AFDN: variants seen among roughly 807,000 people sequenced by gnomAD.
AFDN encodes afadin, adherens junction formation factor.
In AFDN, 68 loss-of-function variants were observed where a neutral mutation model predicts 216.6. The ratio of observed to expected loss-of-function variants is 0.31; its 90% CI spans 0.26 to 0.38. AFDN has a LOEUF of 0.38. Ranked by LOEUF, AFDN falls within the 10% of genes least tolerant of loss-of-function variation. The probability of loss-of-function intolerance (pLI) is 1.00; values close to 1 mark genes in which losing one functional copy is unlikely to be tolerated. For synonymous variants in AFDN, 868 were observed against 853.7 expected, an observed-to-expected ratio of 1.02 and a Z score of -0.29; for missense variants, 2,136 against 2,342.0, an observed-to-expected ratio of 0.91 and a Z score of 1.82.
At chr6:167,937,325 T>A (rs1353374550) in intron 23 of AFDN, among the ~76,000 whole-genome samples, 1 of 152,256 alleles carries the variant, frequency 6.6e-6, no homozygotes, top group African/African-American at 2.4e-5. Context: ...TGACTTTTGA[T>A]CAAATTCCAT....
chr6:167,834,951 C>T (rs942742305), intron 1 of AFDN, among the ~76,000 whole-genome samples: 1 of 152,172 alleles, frequency 6.6e-6, no homozygotes, highest in Non-Finnish European at 1.5e-5. Flanking sequence ...CACTGCACTG[C>T]ACTGCAGCCT....
At chr6:167,887,525 G>A (rs1036615861) in intron 6 of AFDN, among the ~76,000 whole-genome samples, 2 of 150,400 alleles carry the variant, frequency 1.3e-5, no homozygotes, top group South Asian at 2.1e-4. Flanking sequence ...GCACGATCTC[G>A]GCTCACTGCA....
intron 4 of AFDN, among the ~76,000 whole-genome samples, chr6:167,873,714 C>T (rs894064051): frequency 1.3e-5 from 2 of 152,206 alleles, no homozygotes; most frequent in African/African-American, 2.4e-5. Flanking sequence ...ATTATCTCTA[C>T]AGTATATAAT....
chr6:167,873,467 A>G (rs1248145038), intron 4 of AFDN, among the ~76,000 whole-genome samples: 3 of 152,232 alleles, frequency 2.0e-5, no homozygotes, highest in Non-Finnish European at 4.4e-5. Context: ...TAGATTGTTC[A>G]TAGTGGTTCT....
chr6:167,913,763 A>G (rs909238980), intron 16 of AFDN: 2 of 414,290 alleles, frequency 4.8e-6, no homozygotes, highest in Admixed American at 8.3e-5. Context: ...CTTGATACTG[A>G]GTTGCATGGT....
At chr6:167,864,966 T>G in intron 2 of AFDN, 1 of 704,974 alleles carries the variant, frequency 1.4e-6, no homozygotes. Flanking sequence ...TTAGAATGAA[T>G]ATATTAATTT....
chr6:167,860,367 G>T (rs948137655), intron 1 of AFDN, among the ~76,000 whole-genome samples: 2 of 151,992 alleles, frequency 1.3e-5, no homozygotes, highest in Non-Finnish European at 2.9e-5. Flanking sequence ...TGGGCATCTT[G>T]ACTCATATTT....
In AFDN at chr6:167,951,331, A is replaced by G. The variant is rs748114063; in HGVS notation, c.3977A>G (p.Gln1326Arg). ...SSSLDSSTSS[Q>R]EHLNHSSKSV... is the part of the protein sequence containing the mutation. ...TCACTGGACTCCAGTACCTCTAGCC[A>G]GGAGCATCTGAACCATTCCTCTAAG... The change falls in exon 30 of 34, where the codon CAG becomes CGG. Residue 1326 changes from glutamine to arginine, a missense_variant. Around this residue, in one of 8 missense-constraint regions of AFDN, gnomAD observed 981 missense variants for 966.0 expected, o/e 1.02. Transcript: ENST00000683244. This position sits in a 1 kb window ranked among gnomAD's most constrained non-coding sequence, Gnocchi z 7.1. The G allele has an allele frequency of 5.6e-6, 9 of 1,614,074 alleles. No individual in the cohort carries two copies. The highest frequency in any genetic ancestry group is 7.6e-6 in the Non-Finnish European group (9 of 1,180,034).
chr6:167,915,965 G>T (rs935365719), intron 19 of AFDN, among the ~76,000 whole-genome samples: 9 of 152,150 alleles, frequency 5.9e-5, no homozygotes, highest in Admixed American at 5.9e-4. Flanking sequence ...AAACACTTCT[G>T]GTCCCAAGCA....
Position 167,971,693 on chromosome 6 carries a change from A to G in AFDN, c.*1758A>G, listed in dbSNP as rs190050834. On this transcript the variant is annotated 3_prime_UTR_variant, in exon 34 of 34. Coordinates refer to ENST00000683244, the MANE Select transcript of AFDN (RefSeq NM_001386888.1). ...AATACACAGGAGAACATGCAGATAC[A>G]TGTAAATATCTACATACAGGGATAT... 5.0e-6 allele frequency: 1 copy of G among 199,872 alleles called. No individual in the cohort carries two copies. The highest frequency in any genetic ancestry group is 6.0e-5 in the Admixed American group (1 of 16,562). 12.4% of individuals were successfully genotyped at this position (199,872 alleles called of 1,614,324 possible).
At chr6:167,924,431 G>T (rs990596105) in intron 22 of AFDN, among the ~76,000 whole-genome samples, 1 of 152,188 alleles carries the variant, frequency 6.6e-6, no homozygotes, top group Non-Finnish European at 1.5e-5. Flanking sequence ...TCCTTACCCA[G>T]CCAGGCGGGC....
intron 4 of AFDN, among the ~76,000 whole-genome samples, chr6:167,873,416 C>A (rs1011396385): frequency 6.6e-6 from 1 of 152,162 alleles, no homozygotes; most frequent in African/African-American, 2.4e-5. Context: ...TTATATAGTT[C>A]TTCCATAATT....
At chr6:167,899,879 C>T (rs1009967265) in intron 11 of AFDN, among the ~76,000 whole-genome samples, 2 of 152,194 alleles carry the variant, frequency 1.3e-5, no homozygotes, top group African/African-American at 2.4e-5. Flanking sequence ...TCTCTGTTCT[C>T]TGTATAAACA....
intron 23 of AFDN, among the ~76,000 whole-genome samples, chr6:167,934,567 T>C (rs1468242422): frequency 1.3e-5 from 2 of 152,226 alleles, no homozygotes; most frequent in Non-Finnish European, 2.9e-5. Flanking sequence ...ACTGAAATAC[T>C]TCTGGGCTCT....
At chr6:167,924,441 C>G (rs1792237013) in intron 22 of AFDN, among the ~76,000 whole-genome samples, 1 of 152,196 alleles carries the variant, frequency 6.6e-6, no homozygotes, top group East Asian at 1.9e-4. Flanking sequence ...GCCAGGCGGG[C>G]TTCACTCAAT....
At chr6:167,924,507 T>TTTA (rs745626548) in intron 22 of AFDN, among the ~76,000 whole-genome samples, 26 of 152,224 alleles carry the variant, frequency 1.7e-4, no homozygotes, top group Non-Finnish European at 3.2e-4. Context: ...GGTGCTGTGA[T>TTTA]TTAAAATAAA....
chr6:167,962,734 G>A lies in AFDN; in HGVS notation c.4968+167G>A. 6.7e-7 allele frequency: 1 copy of A among 1,500,754 alleles called. No individual in the cohort carries two copies. Among genetic ancestry groups the A allele is most frequent in the Non-Finnish European group, 8.9e-7 (1 of 1,128,806 alleles). The allele number at this position is 1,500,754 out of a possible 1,614,324, so 93.0% of individuals were successfully genotyped here. On this transcript the variant is annotated intron_variant, in intron 31 of 33. Transcript: ENST00000683244. This position sits in a 1 kb window ranked among gnomAD's most constrained non-coding sequence, Gnocchi z 5.2. ...TGGACCTGCAACTTTACCCCATCTG[G>A]CCCACCTACCTCTCTTCTGGACTGT...
chr6:167,928,692 C>T (rs920465522), intron 23 of AFDN, among the ~76,000 whole-genome samples: 2 of 152,242 alleles, frequency 1.3e-5, no homozygotes, highest in Non-Finnish European at 2.9e-5. Flanking sequence ...CACCCGGCCT[C>T]TGCCCATTTG....
At position 167,938,198 on chromosome 6, in the gene AFDN, A is replaced by G. The variant is rs369650328; in HGVS notation, c.3100-4931A>G. On this transcript the variant is annotated intron_variant, in intron 23 of 33. Transcript: ENST00000683244. ...GTGAATGGAGAGGATTTGGGCATAT[A>G]TCTTGCATCAGAAAGACACTTGGTG... 3.6e-4 allele frequency among the ~76,000 whole-genome samples: 55 copies of G among 152,310 alleles called. No homozygotes were observed. The South Asian group carries it at 0.011, about 32-fold the overall frequency.
Sources: allele counts gnomAD v4.1 joint callset (sites outside exome capture counted in the v4.1 genomes callset), GRCh38; gene constraint gnomAD v4.1.1; regional missense constraint gnomAD v4.1.1; non-coding constraint Gnocchi (gnomAD v3.1); transcripts MANE v1.5; gene names NCBI Gene and HGNC (gene_info 2026-07-23, HGNC 2026-07-21).